Variants in TP53I11 observed in about 807,000 individuals in gnomAD.
TP53I11 encodes the protein tumor protein p53-inducible protein 11.
Under a neutral mutation model 23.3 loss-of-function variants are expected in TP53I11, and 9 were observed. The ratio of observed to expected loss-of-function variants is 0.39; its 90% CI spans 0.23 to 0.67. The LOEUF (loss-of-function observed/expected upper bound fraction) is 0.67, where lower values mean the gene tolerates loss of function less well. Among genes scored for constraint, TP53I11 ranks in the 30% least tolerant of loss-of-function variants. TP53I11 has a pLI of 0.48. For synonymous variants in TP53I11, 100 were observed against 106.1 expected, an observed-to-expected ratio of 0.94 and a Z score of 0.35; for missense variants, 170 against 255.2, an observed-to-expected ratio of 0.67 and a Z score of 2.27.
chr11:44,937,250 G>A (rs1294769622), intron 4 of TP53I11, 54 bp downstream of exon 4: 2 of 1,540,236 alleles, frequency 1.3e-6, no homozygotes, highest in Admixed American at 2.1e-5. Flanking sequence ...AGCCAGAGAA[G>A]GGCTGAGGGA....
chr11:44,935,491 G>C (rs1007121667), intron 6 of TP53I11, 70 bp downstream of exon 6: 6 of 1,409,676 alleles, frequency 4.3e-6, no homozygotes, highest in South Asian at 3.5e-5. Flanking sequence ...ACACACCCAG[G>C]TGGCTAGAGC....
At chr11:44,942,758 G>C (rs2135482776) in intron 1 of TP53I11, among the ~76,000 whole-genome samples, 1 of 152,256 alleles carries the variant, frequency 6.6e-6, no homozygotes, top group Middle Eastern at 3.4e-3. Flanking sequence ...TTGACCTCCA[G>C]GGAGGAGGGC....
intron 1 of TP53I11, among the ~76,000 whole-genome samples, chr11:44,944,302 T>C (rs188848388): frequency 8.0e-4 from 122 of 152,278 alleles, no homozygotes; most frequent in African/African-American, 2.7e-3. Context: ...AAGGATTTCT[T>C]TGGGTCTTGT....
chr11:44,941,692 T>G (rs898877460), intron 1 of TP53I11, among the ~76,000 whole-genome samples: 14 of 151,966 alleles, frequency 9.2e-5, no homozygotes, highest in African/African-American at 3.4e-4. Context: ...ACTGCCACCC[T>G]CCCCAGGCCT....
intron 1 of TP53I11, 117 bp from the exon 2 acceptor site, chr11:44,938,483 G>A (rs1045596324): frequency 4.6e-5 from 57 of 1,235,204 alleles, no homozygotes; most frequent in Middle Eastern, 2.4e-4. Flanking sequence ...GCCTCCCCAC[G>A]AGCCCAGGGC....
chr11:44,946,439 A>G (rs1221608884), intron 1 of TP53I11, among the ~76,000 whole-genome samples: 2 of 152,206 alleles, frequency 1.3e-5, no homozygotes, highest in Non-Finnish European at 2.9e-5. Flanking sequence ...CGTCTTCCTC[A>G]TCATCTCAGC....
intron 1 of TP53I11, among the ~76,000 whole-genome samples, chr11:44,945,832 C>T (rs571250267): frequency 5.5e-4 from 83 of 152,250 alleles, no homozygotes; most frequent in Middle Eastern, 3.4e-3. Context: ...GAGGGCGGGA[C>T]GGAATAGAAG....
chr11:44,945,819 C>T (rs953865358), intron 1 of TP53I11, among the ~76,000 whole-genome samples: 3 of 152,184 alleles, frequency 2.0e-5, no homozygotes, highest in African/African-American at 7.2e-5. Context: ...TCTCTGCTCC[C>T]TGGAGGGCGG....
At position 44,938,351 on chromosome 11, in the gene TP53I11, G is replaced by C. The variant is rs774671961; in HGVS notation, c.-16C>G. On this transcript the variant is annotated 5_prime_UTR_variant, in exon 2 of 7. Coordinates refer to ENST00000525680, the MANE Select transcript of TP53I11 (RefSeq NM_006034.5). ...TGGCCGCCATCTTCTCCTCCAGCCC[G>C]GCCTCTGCAGAAGGGCTGAGGGGAG... The C allele has an allele frequency of 5.7e-6, 9 of 1,582,212 alleles. No individual in the cohort carries two copies. Among genetic ancestry groups the C allele is most frequent in the Non-Finnish European group, 7.7e-6 (9 of 1,165,270 alleles).
At chr11:44,944,698 CTA>C (rs1449148966) in intron 1 of TP53I11, among the ~76,000 whole-genome samples, 2 of 152,320 alleles carry the variant, frequency 1.3e-5, no homozygotes, top group East Asian at 3.9e-4. Context: ...CTCTGAGCCT[CTA>C]TGTCCTCATC....
chr11:44,940,255 G>A (rs1861620266), intron 1 of TP53I11, among the ~76,000 whole-genome samples: 1 of 152,198 alleles, frequency 6.6e-6, no homozygotes. Flanking sequence ...CCTCCCCATG[G>A]CCTTTTATCT....
chr11:44,950,120 C>G (rs1323206120), intron 1 of TP53I11: 1 of 152,284 alleles, frequency 6.6e-6, no homozygotes, highest in Non-Finnish European at 1.5e-5. Context: ...AGCGGGAACT[C>G]CGCCACCACC....
In TP53I11 at chr11:44,933,408, G is replaced by A. The variant is rs1246621001; in HGVS notation, c.*1476C>T. On this transcript the variant is annotated 3_prime_UTR_variant, in exon 7 of 7. Coordinates refer to ENST00000525680, the MANE Select transcript of TP53I11 (RefSeq NM_006034.5). ...ATGCCAGGATGGGAAGCGAGTCTGAGGCCTGGGGCTGCTTTTCTCCCTACA... is the reference window on the plus strand; with the variant it reads ...ATGCCAGGATGGGAAGCGAGTCTGAAGCCTGGGGCTGCTTTTCTCCCTACA... 6.6e-6 allele frequency: 1 copy of A among 152,536 alleles called. No homozygotes were observed. Among genetic ancestry groups the A allele is most frequent in the Non-Finnish European group, 1.5e-5 (1 of 68,300 alleles). The allele number at this position is 152,536 out of a possible 1,614,324, so 9.4% of individuals were successfully genotyped here. A position where few individuals can be genotyped will look rare whatever the true frequency, so the allele number is the denominator to read the frequency against.
intron 1 of TP53I11, among the ~76,000 whole-genome samples, chr11:44,943,657 C>T (rs1218578776): frequency 1.3e-5 from 2 of 152,216 alleles, no homozygotes; most frequent in African/African-American, 2.4e-5. Context: ...CTTCCCAGGG[C>T]CCTCCCAGGG....
At chr11:44,937,676 C>T in intron 2 of TP53I11, 63 bp from the exon 3 acceptor site, 1 of 1,552,552 alleles carries the variant, frequency 6.4e-7, no homozygotes, top group East Asian at 2.2e-5. Flanking sequence ...CCCACTCGCT[C>T]ATCCTCCCAG....
intron 2 of TP53I11, 52 bp from the exon 3 acceptor site, chr11:44,937,665 C>A: frequency 6.3e-7 from 1 of 1,576,320 alleles, no homozygotes; most frequent in Non-Finnish European, 8.7e-7. Flanking sequence ...CTCTCAGCGC[C>A]CCCACTCGCT....
At chr11:44,942,820 C>T (rs1862020775) in intron 1 of TP53I11, among the ~76,000 whole-genome samples, 1 of 152,146 alleles carries the variant, frequency 6.6e-6, no homozygotes, top group Non-Finnish European at 1.5e-5. Flanking sequence ...GCGCTCCACC[C>T]CTACTTCACC....
intron 2 of TP53I11, among the ~76,000 whole-genome samples, chr11:44,937,988 A>G (rs921210794): frequency 6.6e-6 from 1 of 152,202 alleles, no homozygotes; most frequent in African/African-American, 2.4e-5. Flanking sequence ...TAGTGCCAAC[A>G]AGAAGATTTA....
At chr11:44,935,764 A>G (rs1380297257) in intron 5 of TP53I11, 102 bp from the exon 6 acceptor site, 1 of 812,640 alleles carries the variant, frequency 1.2e-6, no homozygotes, top group Non-Finnish European at 2.0e-6. Flanking sequence ...GCTGCAAGAC[A>G]GCTGGGGTCC....
Sources: gnomAD v4.1 joint callset for allele counts (sites outside exome capture counted in the v4.1 genomes callset) on GRCh38, gnomAD v4.1.1 for gene constraint, MANE v1.5 for transcripts, NCBI Gene and HGNC (gene_info 2026-07-23, HGNC 2026-07-21) for gene names.